PUM2: variants seen among roughly 807,000 people sequenced by gnomAD.
PUM2 encodes pumilio homolog 2.
A neutral mutation model predicts 124.5 loss-of-function variants in PUM2; 57 were observed. That is an observed-to-expected ratio of 0.46 (90% CI 0.37 to 0.57). The LOEUF is 0.57. Ranked by LOEUF, PUM2 falls within the 20% of genes least tolerant of loss-of-function variation. The pLI is 0.00. For missense variants in PUM2, 1,065 were observed against 1,290.6 expected, an observed-to-expected ratio of 0.83 and a Z score of 2.68; for synonymous variants, 460 against 446.1, an observed-to-expected ratio of 1.03 and a Z score of -0.39.
At chr2:20,308,621 G>C in intron 5 of PUM2, 37 bp from the exon 6 acceptor site, 3 of 1,538,564 alleles carry the variant, frequency 1.9e-6, no homozygotes, top group Non-Finnish European at 2.6e-6. Flanking sequence ...ATGAATAAAA[G>C]TAACAAGTCA....
chr2:20,347,755 C>T (rs982057459), intron 1 of PUM2, among the ~76,000 whole-genome samples: 3 of 152,270 alleles, frequency 2.0e-5, no homozygotes, highest in African/African-American at 7.2e-5. Context: ...TAGACCTAGG[C>T]CAAGTGGGCT....
At chr2:20,275,084 C>A (rs771000711) in intron 13 of PUM2, among the ~76,000 whole-genome samples, 13 of 150,874 alleles carry the variant, frequency 8.6e-5, no homozygotes, top group Non-Finnish European at 1.6e-4. Flanking sequence ...TAATATTGAA[C>A]CTGAAGCCCA....
Position 20,283,147 on chromosome 2 carries a change from G to T in PUM2, c.1520C>A (p.Pro507Gln). 1 of 1,614,072 alleles carries T rather than the reference G, an allele frequency of 6.2e-7. No homozygotes were observed. Among genetic ancestry groups the T allele is most frequent in the South Asian group, 1.1e-5 (1 of 91,084 alleles). The change falls in exon 12 of 21, where the codon CCA (proline) becomes CAA (glutamine). Residue 507 changes from proline (P) to glutamine (Q), a missense_variant. Physicochemically the swap from Pro to Gln is moderately conservative, Grantham distance 76 (BLOSUM62 -1). Coordinates refer to ENST00000361078, the MANE Select transcript of PUM2 (RefSeq NM_015317.5). ...GCTTGGCTGCTGTTGCTGCTGCTGT[G>T]GTGGCTGAGTGCCAATTGGCCGAAA... ...GLFRPIGTQP[P>Q]QQQQQQPSTN...
intron 7 of PUM2, among the ~76,000 whole-genome samples, chr2:20,301,549 C>CA (rs1676977900): frequency 6.6e-6 from 1 of 151,986 alleles, no homozygotes; most frequent in South Asian, 2.1e-4. Context: ...TTTCACCTAC[C>CA]AATTAATCAT....
At chr2:20,334,697 T>C (rs1166699917) in intron 1 of PUM2, among the ~76,000 whole-genome samples, 1 of 152,234 alleles carries the variant, frequency 6.6e-6, no homozygotes, top group African/African-American at 2.4e-5. Flanking sequence ...ATAAGGACAA[T>C]GAACAAGGCT....
intron 7 of PUM2, among the ~76,000 whole-genome samples, chr2:20,307,550 T>C (rs1424376232): frequency 6.6e-6 from 1 of 152,168 alleles, no homozygotes; most frequent in Non-Finnish European, 1.5e-5. Flanking sequence ...TGGGAGGTAG[T>C]GGGGAGACCT....
At chr2:20,271,691 A>G (rs1430722627) in intron 13 of PUM2, among the ~76,000 whole-genome samples, 2 of 152,246 alleles carry the variant, frequency 1.3e-5, no homozygotes, top group Non-Finnish European at 2.9e-5. Context: ...TTAAAGATCA[A>G]TTGTTAGCAA....
intron 1 of PUM2, among the ~76,000 whole-genome samples, chr2:20,328,745 T>C (rs1364598070): frequency 1.3e-5 from 2 of 152,176 alleles, no homozygotes; most frequent in Non-Finnish European, 2.9e-5. Flanking sequence ...CTTGAAAATA[T>C]ATCAACAAGA....
chr2:20,336,764 G>C (rs1572997556), intron 1 of PUM2, among the ~76,000 whole-genome samples: 2 of 109,092 alleles, frequency 1.8e-5, no homozygotes, highest in South Asian at 3.0e-4. Context: ...GTGTGTGTGT[G>C]TGTGTGTGTG....
chr2:20,306,665 G>C (rs1401138894), intron 7 of PUM2, among the ~76,000 whole-genome samples: 6 of 148,498 alleles, frequency 4.0e-5, no homozygotes, highest in African/African-American at 1.3e-4. Flanking sequence ...CTGGAGTGCA[G>C]TGGTGCAATC....
chr2:20,313,835 CAAAAAAA>C (rs35569645), intron 3 of PUM2, among the ~76,000 whole-genome samples: 2 of 55,054 alleles, frequency 3.6e-5, no homozygotes, highest in Admixed American at 2.9e-4. Flanking sequence ...GATCCTGTCT[CAAAAAAA>C]AAAAAAAAAA....
At chr2:20,329,057 G>A (rs1335972653) in intron 1 of PUM2, among the ~76,000 whole-genome samples, 1 of 151,758 alleles carries the variant, frequency 6.6e-6, no homozygotes, top group African/African-American at 2.4e-5. Flanking sequence ...TGTGGTCCCA[G>A]CAACTCAGGA....
intron 7 of PUM2, among the ~76,000 whole-genome samples, chr2:20,302,449 TTTTG>T (rs1409827812): frequency 2.0e-5 from 3 of 152,216 alleles, no homozygotes; most frequent in African/African-American, 7.2e-5. Context: ...TCTTTTATGC[TTTTG>T]TTTTTCTCAT....
chr2:20,263,943 T>G (rs1295015432), intron 13 of PUM2, among the ~76,000 whole-genome samples: 1 of 152,124 alleles, frequency 6.6e-6, no homozygotes, highest in Non-Finnish European at 1.5e-5. Context: ...AAATCAATTC[T>G]TACCATCATA....
At chr2:20,300,729 T>C (rs1225592825) in intron 7 of PUM2, among the ~76,000 whole-genome samples, 1 of 148,582 alleles carries the variant, frequency 6.7e-6, no homozygotes. Flanking sequence ...GGAACTGCAC[T>C]GGGCAAATCC....
chr2:20,335,252 GAAC>G (rs1258131701), intron 1 of PUM2, among the ~76,000 whole-genome samples: 1 of 152,146 alleles, frequency 6.6e-6, no homozygotes, highest in Non-Finnish European at 1.5e-5. Context: ...CATAATCATT[GAAC>G]ATCCGTGGTA....
intron 1 of PUM2, among the ~76,000 whole-genome samples, chr2:20,336,794 GT>G (rs1686210877): frequency 3.1e-5 from 4 of 127,998 alleles, no homozygotes; most frequent in Non-Finnish European, 6.8e-5. Flanking sequence ...GTGTGTGTGT[GT>G]GTGTGTGGTA....
intron 10 of PUM2, among the ~76,000 whole-genome samples, chr2:20,290,177 C>T (rs544263849): frequency 6.6e-6 from 1 of 152,098 alleles, no homozygotes; most frequent in South Asian, 2.1e-4. Context: ...GACACTGTTG[C>T]TATTAAGTTA....
intron 1 of PUM2, among the ~76,000 whole-genome samples, chr2:20,347,972 A>G (rs1688561542): frequency 6.6e-6 from 1 of 152,138 alleles, no homozygotes; most frequent in Admixed American, 6.6e-5. Flanking sequence ...AACTCATCAA[A>G]GCGAAGTGAG....
Sources: gnomAD v4.1 joint callset for allele counts (sites outside exome capture counted in the v4.1 genomes callset) on GRCh38, gnomAD v4.1.1 for gene constraint, MANE v1.5 for transcripts, NCBI Gene and HGNC (gene_info 2026-07-23, HGNC 2026-07-21) for gene names.